The following PML variants were observed in gnomAD, a reference collection of about 807,000 sequenced individuals.
The protein encoded by PML is PML nuclear body scaffold.
Under a neutral mutation model 65.2 loss-of-function variants are expected in PML, and 28 were observed. The ratio of observed to expected loss-of-function variants is 0.43; its 90% CI spans 0.32 to 0.59. The LOEUF (loss-of-function observed/expected upper bound fraction) is 0.59. Among genes scored for constraint, PML ranks in the 20% least tolerant of loss-of-function variants. The pLI is 0.08. For missense variants in PML, 1,021 were observed against 1,203.4 expected (o/e 0.85, Z 2.24); for synonymous variants, 500 against 508.8 (o/e 0.98, Z 0.23).
At position 74,037,687 on chromosome 15, in the gene PML, G is replaced by A. The variant is rs550677820; in HGVS notation, c.1710+3157G>A. On this transcript the variant is annotated intron_variant, in intron 7 of 8. Transcript: ENST00000268058. The surrounding 1 kb of genome is among the most constrained non-coding windows in gnomAD (Gnocchi z 4.2). The stretch of plus-strand genomic sequence containing the variant: ...ATTATTCTTGACCGGCGCTGGGCCC[G>A]GTCTTTCCTGGAAAGATCGCCTGCT... 21 of 985,242 alleles carry A rather than the reference G, an allele frequency of 2.1e-5. No individual in the cohort carries two copies. In the East Asian group the frequency reaches 3.4e-4, roughly 16 times the overall value. 61.0% of individuals were successfully genotyped at this position (985,242 alleles called of 1,614,324 possible).
intron 1 of PML, among the ~76,000 whole-genome samples, chr15:73,997,678 G>A (rs2141706021): frequency 6.6e-6 from 1 of 152,294 alleles, no homozygotes; most frequent in Middle Eastern, 3.4e-3. Context: ...TGTGCATTAA[G>A]CACTTTATAT....
chr15:74,000,903 A>G (rs944832203), intron 2 of PML, among the ~76,000 whole-genome samples: 2 of 152,224 alleles, frequency 1.3e-5, no homozygotes. Context: ...CTGCTCTAGA[A>G]CAATTTGAAG....
At chr15:74,022,024 C>G (rs1029502969) in intron 2 of PML, among the ~76,000 whole-genome samples, 3 of 152,226 alleles carry the variant, frequency 2.0e-5, no homozygotes, top group African/African-American at 7.2e-5. Flanking sequence ...ATGGCACCAT[C>G]TGGGCTCACC....
chr15:74,042,398 G>A lies in PML; in HGVS notation c.1711-591G>A. On this transcript the variant is annotated intron_variant, in intron 7 of 8. Transcript: ENST00000268058. The surrounding 1 kb of genome is among the most constrained non-coding windows in gnomAD (Gnocchi z 5.3). Reference sequence around the variant, plus strand: ...GACACTGGCACCTCGGCTGACTTCGGGGACAAGAAAAGGCAGGCTCCCGAC... The same window carrying A: ...GACACTGGCACCTCGGCTGACTTCGAGGACAAGAAAAGGCAGGCTCCCGAC... The A allele has an allele frequency of 2.0e-6, 2 of 985,418 alleles. No homozygotes were observed. Among genetic ancestry groups the A allele is most frequent in the South Asian group, 9.4e-5 (2 of 21,282 alleles). The allele number at this position is 985,418 out of a possible 1,614,324, so 61.0% of individuals were successfully genotyped here.
chr15:74,045,259 A>AG lies in PML; in HGVS notation c.*252dup, dbSNP rs1398253925. The stretch of plus-strand genomic sequence containing the variant: ...CTATTAGCCCCTCCTTCCAGGAGCT[A>AG]GAACCAGGGAGGTCCTGAGTGAGGA... On this transcript the variant is annotated 3_prime_UTR_variant, in exon 9 of 9. Coordinates refer to ENST00000268058, the MANE Select transcript of PML (RefSeq NM_033238.3). 1.6e-5 allele frequency: 8 copies of AG among 511,894 alleles called. No homozygotes were observed. In the Admixed American group the frequency reaches 2.8e-4, roughly 18 times the overall value. The allele number at this position is 511,894 out of a possible 1,614,324, so 31.7% of individuals were successfully genotyped here. A position where few individuals can be genotyped will look rare whatever the true frequency, so the allele number is the denominator to read the frequency against.
chr15:74,004,502 A>C lies in PML; in HGVS notation c.602+6026A>C, dbSNP rs114277907. 7.3e-3 allele frequency among the ~76,000 whole-genome samples: 1,104 copies of C among 151,982 alleles called. 11 individuals carry two copies. The highest frequency in any genetic ancestry group is 0.025 in the African/African-American group (1,017 of 41,442). On this transcript the variant is annotated intron_variant, in intron 2 of 8. Coordinates refer to ENST00000268058, the MANE Select transcript of PML (RefSeq NM_033238.3). ...TTTTATGTAGAGATAGGGTCTCACTATATTGCCCAGGCTGGTCTAAACTCC... is the reference window on the plus strand; with the variant it reads ...TTTTATGTAGAGATAGGGTCTCACTCTATTGCCCAGGCTGGTCTAAACTCC...
chr15:73,998,123 G>A lies in PML; in HGVS notation c.249G>A (p.Ala83=), dbSNP rs572620428. Residue 83 remains alanine (A), a synonymous_variant, in exon 2 of 9, where the codon GCG becomes GCA. Transcript: ENST00000268058. ...CGCTGTGCTCAGGATGCCTGGAGGC[G>A]TCGGGCATGCAGTGCCCCATCTGCC... ...LHTLCSGCLE[A]SGMQCPICQA... 42 of 1,614,032 alleles carry A rather than the reference G, an allele frequency of 2.6e-5. No individual in the cohort carries two copies. The highest frequency in any genetic ancestry group is 1.1e-4 in the African/African-American group (8 of 75,054).
At chr15:74,018,141 G>A (rs953427778) in intron 2 of PML, among the ~76,000 whole-genome samples, 10 of 151,754 alleles carry the variant, frequency 6.6e-5, no homozygotes, top group Non-Finnish European at 1.0e-4. Context: ...CCAACATGGT[G>A]AAACCCCAGC....
intron 2 of PML, among the ~76,000 whole-genome samples, chr15:74,001,328 C>T (rs2069748856): frequency 6.6e-6 from 1 of 150,766 alleles, no homozygotes; most frequent in South Asian, 2.1e-4. Context: ...TATTTGCAAT[C>T]TTTATTGTTT....
chr15:74,027,193 G>C (rs2071116537), intron 4 of PML: 1 of 152,162 alleles, frequency 6.6e-6, no homozygotes, highest in Non-Finnish European at 1.5e-5. Flanking sequence ...CCTTGTTGCT[G>C]CATATTTAGG....
At chr15:74,010,130 C>G (rs534637334) in intron 2 of PML, among the ~76,000 whole-genome samples, 2 of 150,644 alleles carry the variant, frequency 1.3e-5, no homozygotes, top group Non-Finnish European at 3.0e-5. Context: ...CCTCCCACCT[C>G]AGACCCCCAA....
chr15:74,025,346 T>A (rs893853067), intron 4 of PML: 1 of 228,014 alleles, frequency 4.4e-6, no homozygotes, highest in African/African-American at 2.2e-5. Flanking sequence ...TCTCCCCTCC[T>A]ACACCCTACC....
rs1343965293 is a variant in PML, at chr15:74,034,603, C to A, written c.1710+73C>A. Reference sequence around the variant, plus strand: ...CAGGTCCCAGGGGGCACAGCCACAGCAGGTGACTCTCAGACTTGCCTTGCG... The same window carrying A: ...CAGGTCCCAGGGGGCACAGCCACAGAAGGTGACTCTCAGACTTGCCTTGCG... On this transcript the variant is annotated intron_variant, in intron 7 of 8. Coordinates refer to ENST00000268058, the MANE Select transcript of PML (RefSeq NM_033238.3). 7 of 1,614,064 alleles carry A rather than the reference C, an allele frequency of 4.3e-6. No individual in the cohort carries two copies. The Admixed American group carries it at 1.2e-4, about 27-fold the overall frequency.
In PML at chr15:74,046,954, G is replaced by A. The variant is rs1378887178; in HGVS notation, c.*1946G>A. ...TGAGAGCCCTTTGTTGCTCAATGCT[G>A]TGAGCCTTAAGCATGTGAATCCCCC... On this transcript the variant is annotated 3_prime_UTR_variant, in exon 9 of 9. Transcript: ENST00000268058. The A allele has an allele frequency of 1.7e-5, 4 of 229,750 alleles. No homozygotes were observed. The highest frequency in any genetic ancestry group is 3.5e-5 in the Non-Finnish European group (4 of 115,916). 14.2% of individuals were successfully genotyped at this position (229,750 alleles called of 1,614,324 possible).
chr15:74,038,948 G>A (rs1240280271), intron 7 of PML, among the ~76,000 whole-genome samples: 2 of 152,342 alleles, frequency 1.3e-5, no homozygotes, highest in African/African-American at 4.8e-5. Flanking sequence ...GGAGTACCTG[G>A]GGTGAGGACT....
chr15:74,037,456 T>C lies in PML; in HGVS notation c.1710+2926T>C. 3 of 985,374 alleles carry C rather than the reference T, an allele frequency of 3.0e-6. No individual in the cohort carries two copies. In the South Asian group the frequency reaches 1.4e-4, roughly 46 times the overall value. The allele number at this position is 985,374 out of a possible 1,614,324, so 61.0% of individuals were successfully genotyped here. ...TGCATCTTCTAATGTATCCACTGCC[T>C]TCTGAACTAAACACCCTGAATGAGG... On this transcript the variant is annotated intron_variant, in intron 7 of 8. Coordinates refer to ENST00000268058, the MANE Select transcript of PML (RefSeq NM_033238.3). The surrounding 1 kb of genome is among the most constrained non-coding windows in gnomAD (Gnocchi z 4.2).
In PML at chr15:74,042,508, A is replaced by C; in HGVS notation, c.1711-481A>C. 1.0e-6 allele frequency: 1 copy of C among 985,474 alleles called. No homozygotes were observed. Among genetic ancestry groups the C allele is most frequent in the East Asian group, 1.1e-4 (1 of 8,818 alleles). 61.0% of individuals were successfully genotyped at this position (985,474 alleles called of 1,614,324 possible). A position where few individuals can be genotyped will look rare whatever the true frequency, so the allele number is the denominator to read the frequency against. ...GGTGTTTCTTCTGAGTCTGCTCAGA[A>C]AGATGAAATTAGGAGCAGACATCTC... On this transcript the variant is annotated intron_variant, in intron 7 of 8. Transcript: ENST00000268058. This position sits in a 1 kb window ranked among gnomAD's most constrained non-coding sequence, Gnocchi z 5.3.
At chr15:74,040,057 G>T (rs987955371) in intron 7 of PML, among the ~76,000 whole-genome samples, 2 of 152,164 alleles carry the variant, frequency 1.3e-5, no homozygotes, top group Non-Finnish European at 2.9e-5. Context: ...CAGATTGCAG[G>T]TGTATCCAAG....
In PML at chr15:74,014,881, C is replaced by T. The variant is rs796890905; in HGVS notation, c.603-7947C>T. Among the ~76,000 whole-genome samples the T allele has an allele frequency of 1.1e-4, 17 of 152,338 alleles. 1 individual carries two copies. The highest frequency in any genetic ancestry group is 3.4e-4 in the African/African-American group (14 of 41,578). ...GATGGCAGGAGAAACAGGGAACCCA[C>T]GTGGCAGTGTACCCACTGCCTGTTG... On this transcript the variant is annotated intron_variant, in intron 2 of 8. Transcript: ENST00000268058.
Sources: gnomAD v4.1 joint callset for allele counts (sites outside exome capture counted in the v4.1 genomes callset) on GRCh38, gnomAD v4.1.1 for gene constraint, Gnocchi (gnomAD v3.1) non-coding constraint, MANE v1.5 for transcripts, NCBI Gene and HGNC (gene_info 2026-07-23, HGNC 2026-07-21) for gene names.